The following PDPR variants were observed in gnomAD, a reference collection of about 807,000 sequenced individuals.
PDPR encodes the protein pyruvate dehydrogenase phosphatase regulatory subunit.
A neutral mutation model predicts 102.2 loss-of-function variants in PDPR; 50 were observed. That is an observed-to-expected ratio of 0.49 (90% CI 0.39 to 0.62). The LOEUF (loss-of-function observed/expected upper bound fraction) is 0.62. Among genes scored for constraint, PDPR ranks in the 20% least tolerant of loss-of-function variants. The pLI, the probability that PDPR is intolerant of heterozygous loss-of-function variation, is 0.00. For synonymous variants in PDPR, 259 were observed against 406.0 expected (o/e 0.64, Z 4.35); for missense variants, 625 against 1,098.2 (o/e 0.57, Z 6.09).
chr16:70,153,410 A>G lies in PDPR; in HGVS notation c.2072A>G (p.Asn691Ser). 3 of 1,613,778 alleles carry G rather than the reference A, an allele frequency of 1.9e-6. No individual in the cohort carries two copies. The highest frequency in any genetic ancestry group is 1.3e-5 in the African/African-American group (1 of 75,074). ...IPIEYALHVY[N>S]EVMSVGQKYG... ...CTATAGTACGCCCTGCATGTATACA[A>G]TGAAGTGATGAGTGTTGGCCAGAAA... is the stretch of plus-strand genomic sequence containing the variant. Residue 691 changes from asparagine (N) to serine (S), a missense_variant, in exon 18 of 19, where the codon AAT (asparagine) becomes AGT (serine). Asn to Ser is a conservative substitution (Grantham distance 46). This residue lies in a region of PDPR where 303 missense variants were observed against 258.9 expected (regional missense o/e 1.17). Transcript: ENST00000288050.
intron 17 of PDPR, among the ~76,000 whole-genome samples, chr16:70,152,238 T>A (rs1966791692): frequency 6.6e-6 from 1 of 152,236 alleles, no homozygotes. Context: ...AAAGTTGTCT[T>A]CCCGGCACGG....
In PDPR at chr16:70,151,960, A is replaced by G. The variant is rs530363621; in HGVS notation, c.2053-1431A>G. On this transcript the variant is annotated intron_variant, in intron 17 of 18. Coordinates refer to ENST00000288050, the MANE Select transcript of PDPR (RefSeq NM_017990.5). ...ACCCACTCTTCTCTTTGATTTTCCC[A>G]GCATTAGTCACGTAGTTGGATCTGG... is the stretch of plus-strand genomic sequence containing the variant. Among the ~76,000 whole-genome samples, 18 of 152,404 alleles carry G rather than the reference A, an allele frequency of 1.2e-4. No individual in the cohort carries two copies. The South Asian group carries it at 3.7e-3, about 32-fold the overall frequency.
intron 3 of PDPR, among the ~76,000 whole-genome samples, chr16:70,125,552 C>CA (rs1164711741): frequency 0.013 from 1,437 of 106,472 alleles, 18 homozygotes; most frequent in East Asian, 0.043. Context: ...AACTGCGTCT[C>CA]AAAAAAAAAA....
At position 70,157,299 on chromosome 16, in the gene PDPR, A is replaced by G. The variant is rs1043056129; in HGVS notation, c.*420A>G. On this transcript the variant is annotated 3_prime_UTR_variant, in exon 19 of 19. Coordinates refer to ENST00000288050, the MANE Select transcript of PDPR (RefSeq NM_017990.5). The stretch of plus-strand genomic sequence containing the variant: ...GGGTTCCATTTTCTTGGAGCAGCCT[A>G]TTAGTTCTGGTGGGGTTGCCGTGTG... 3.4e-5 allele frequency: 15 copies of G among 434,892 alleles called. No individual in the cohort carries two copies. The highest frequency in any genetic ancestry group is 5.3e-4 in the Middle Eastern group (1 of 1,898). The allele number at this position is 434,892 out of a possible 1,614,324, so 26.9% of individuals were successfully genotyped here.
At chr16:70,123,580 G>T (rs1225348229) in intron 3 of PDPR, among the ~76,000 whole-genome samples, 2 of 152,226 alleles carry the variant, frequency 1.3e-5, no homozygotes, top group Non-Finnish European at 1.5e-5. Flanking sequence ...CCTATTTTTT[G>T]AAATCCTTTT....
chr16:70,123,210 A>G (rs1431532303), intron 3 of PDPR, among the ~76,000 whole-genome samples: 1 of 152,092 alleles, frequency 6.6e-6, no homozygotes, highest in Non-Finnish European at 1.5e-5. Context: ...CCCGCAGTGG[A>G]TACTTTTAAG....
intron 2 of PDPR, among the ~76,000 whole-genome samples, chr16:70,116,501 G>C (rs1962648123): frequency 6.8e-6 from 1 of 147,670 alleles, no homozygotes; most frequent in South Asian, 2.1e-4. Context: ...TACCTCAGGA[G>C]TTCAGGACCA....
chr16:70,128,276 A>G (rs1337245965), intron 4 of PDPR, among the ~76,000 whole-genome samples: 1 of 152,026 alleles, frequency 6.6e-6, no homozygotes, highest in Non-Finnish European at 1.5e-5. Flanking sequence ...TACCCAGGCT[A>G]GAGTGCAGTG....
At chr16:70,136,911 T>C (rs1410958547) in intron 10 of PDPR, among the ~76,000 whole-genome samples, 1 of 152,204 alleles carries the variant, frequency 6.6e-6, no homozygotes, top group East Asian at 1.9e-4. Flanking sequence ...TCTGGCTAAT[T>C]TTTCTATTTT....
Position 70,114,379 on chromosome 16 carries a change from G to C in PDPR, c.-204G>C, listed in dbSNP as rs996891524. The C allele has an allele frequency of 6.6e-6, 1 of 152,180 alleles. No individual in the cohort carries two copies. Among genetic ancestry groups the C allele is most frequent in the Non-Finnish European group, 1.5e-5 (1 of 68,048 alleles). 9.4% of individuals were successfully genotyped at this position (152,180 alleles called of 1,614,324 possible). ...CCCGCGGCGACCCCAGGCAACTGTTGTGGCTGCCGCATTGCTCCCGCCGGG... is the reference window on the plus strand; with the variant it reads ...CCCGCGGCGACCCCAGGCAACTGTTCTGGCTGCCGCATTGCTCCCGCCGGG... On this transcript the variant is annotated 5_prime_UTR_variant, in exon 1 of 19. Coordinates refer to ENST00000288050, the MANE Select transcript of PDPR (RefSeq NM_017990.5).
chr16:70,156,757 TATGAGATTGAC>T lies in PDPR; in HGVS notation c.2521_2531del (p.Glu841ArgfsTer26). 1 of 1,613,994 alleles carries T rather than the reference TATGAGATTGAC, an allele frequency of 6.2e-7. No individual in the cohort carries two copies. The highest frequency in any genetic ancestry group is 8.5e-7 in the Non-Finnish European group (1 of 1,179,904). On this transcript the variant is annotated frameshift_variant, in exon 19 of 19. Transcript: ENST00000288050. LOFTEE classifies it high-confidence loss of function. ...AGCAGATTTCATCAACCGGGGAGAG[TATGAGATTGAC>T]ATCGCGGGATACCGCTTCCAGGCCA...
chr16:70,135,434 G>A (rs114116374), intron 9 of PDPR, among the ~76,000 whole-genome samples: 3,713 of 150,784 alleles, frequency 0.025, no homozygotes, highest in African/African-American at 0.088. Context: ...ACGAGGCTTC[G>A]CCATTTTGGC....
At position 70,120,481 on chromosome 16, in the gene PDPR, T is replaced by C. The variant is rs1179705420; in HGVS notation, c.-12T>C. ...TCTAGTTTGAGTTCCTGAGATCTAG[T>C]TGGTGAGAGACATGATGTTCTACCG... On this transcript the variant is annotated 5_prime_UTR_variant, in exon 3 of 19. Coordinates refer to ENST00000288050, the MANE Select transcript of PDPR (RefSeq NM_017990.5). 9.3e-6 allele frequency: 15 copies of C among 1,610,358 alleles called. No individual in the cohort carries two copies. The highest frequency in any genetic ancestry group is 3.3e-5 in the South Asian group (3 of 90,894).
intron 2 of PDPR, among the ~76,000 whole-genome samples, chr16:70,115,229 T>A: frequency 6.6e-6 from 1 of 152,070 alleles, no homozygotes; most frequent in Non-Finnish European, 1.5e-5. Flanking sequence ...GTTCAAGCAA[T>A]TCTCCTGCCT....
chr16:70,157,149 C>G lies in PDPR; in HGVS notation c.*270C>G, dbSNP rs1471272129. 6.1e-6 allele frequency: 4 copies of G among 657,102 alleles called. No individual in the cohort carries two copies. The highest frequency in any genetic ancestry group is 4.2e-5 in the Admixed American group (2 of 47,524). The allele number at this position is 657,102 out of a possible 1,614,324, so 40.7% of individuals were successfully genotyped here. ...CTTCTCGTGGTGGCAGGAGGTATGT[C>G]TGACAGGACAGAAGCAAGCTCCACT... is the stretch of plus-strand genomic sequence containing the variant. On this transcript the variant is annotated 3_prime_UTR_variant, in exon 19 of 19. Coordinates refer to ENST00000288050, the MANE Select transcript of PDPR (RefSeq NM_017990.5).
rs1963143226 is a variant in PDPR, at chr16:70,120,601, A to G, written c.109A>G (p.Met37Val). 1 of 1,613,948 alleles carries G rather than the reference A, an allele frequency of 6.2e-7. No individual in the cohort carries two copies. The highest frequency in any genetic ancestry group is 8.5e-7 in the Non-Finnish European group (1 of 1,179,838). ...NSTSAAEARSMALPTQAQVVI... is the reference protein window; with the variant it reads ...NSTSAAEARSVALPTQAQVVI... ...CACGTCAGCTGCCGAGGCGCGTTCC[A>G]TGGCCCTGCCCACCCAGGCACAGGT... Residue 37 changes from methionine (M) to valine (V), a missense_variant, in exon 3 of 19, where the codon ATG (methionine) becomes GTG (valine). Physicochemically the swap from Met to Val is conservative, Grantham distance 21 (BLOSUM62 1). Transcript: ENST00000288050.
chr16:70,147,327 CTT>C (rs1966318057), intron 16 of PDPR, among the ~76,000 whole-genome samples: 1 of 152,012 alleles, frequency 6.6e-6, no homozygotes, highest in African/African-American at 2.4e-5. Flanking sequence ...AATGTAAAGT[CTT>C]TATGCTTTTT....
At chr16:70,117,419 G>A (rs1962757753) in intron 2 of PDPR, among the ~76,000 whole-genome samples, 1 of 150,964 alleles carries the variant, frequency 6.6e-6, no homozygotes, top group African/African-American at 2.4e-5. Flanking sequence ...TCAGGAGGCT[G>A]AGGCAGGAGA....
chr16:70,119,290 C>G (rs1962975089), intron 2 of PDPR, among the ~76,000 whole-genome samples: 1 of 152,126 alleles, frequency 6.6e-6, no homozygotes, highest in Non-Finnish European at 1.5e-5. Flanking sequence ...CTACCATCCG[C>G]TCTCCACCAT....
Sources: allele counts gnomAD v4.1 joint callset (sites outside exome capture counted in the v4.1 genomes callset), GRCh38; gene constraint gnomAD v4.1.1; regional missense constraint gnomAD v4.1.1; transcripts MANE v1.5; gene names NCBI Gene and HGNC (gene_info 2026-07-23, HGNC 2026-07-21).